H3C4: variants seen among roughly 807,000 people sequenced by gnomAD.
H3C4 encodes the protein histone H3.1.
A neutral mutation model predicts 8.7 loss-of-function variants in H3C4; 10 were observed. The ratio of observed to expected loss-of-function variants is 1.15; its 90% CI spans 0.71 to 1.96. The LOEUF (loss-of-function observed/expected upper bound fraction) is 1.96. Ranked by LOEUF, H3C4 falls within the 30% of genes most tolerant of loss-of-function variation. The pLI is 0.00. For missense variants in H3C4, 216 were observed against 192.9 expected, an observed-to-expected ratio of 1.12 and a Z score of -0.71; for synonymous variants, 141 against 80.1, an observed-to-expected ratio of 1.76 and a Z score of -4.06.
Position 26,196,837 on chromosome 6 carries a change from A to T in H3C4, c.*3T>A, listed in dbSNP as rs370814321. 3.7e-6 allele frequency: 6 copies of T among 1,614,154 alleles called. No individual in the cohort carries two copies. The highest frequency in any genetic ancestry group is 5.1e-6 in the Non-Finnish European group (6 of 1,180,012). ...TTTGGTTAGCACACATTCACAAGACAATTTACGCCCTCTCCCCACGAATGC... is the reference window on the plus strand; with the variant it reads ...TTTGGTTAGCACACATTCACAAGACTATTTACGCCCTCTCCCCACGAATGC... On this transcript the variant is annotated 3_prime_UTR_variant, in exon 1 of 1. Coordinates refer to ENST00000356476, the MANE Select transcript of H3C4 (RefSeq NM_001376937.1).
chr6:26,199,194 G>A (rs141689063), upstream of H3C4: 72 of 1,613,466 alleles, frequency 4.5e-5, no homozygotes, highest in Middle Eastern at 3.3e-4. Flanking sequence ...CGAAGAGCGG[G>A]TCTTAGCCTT....
upstream of H3C4, chr6:26,199,265 T>G (rs1344121430): frequency 2.5e-6 from 4 of 1,586,584 alleles, no homozygotes; most frequent in African/African-American, 5.5e-5. Flanking sequence ...AAAAACGATG[T>G]TAAGCAATGA....
upstream of H3C4, among the ~76,000 whole-genome samples, chr6:26,198,471 A>G (rs1468883216): frequency 2.0e-5 from 3 of 152,158 alleles, no homozygotes; most frequent in Non-Finnish European, 4.4e-5. Context: ...AGCTGAAATT[A>G]CAGGCGCGCG....
chr6:26,198,455 T>C (rs1027922961), upstream of H3C4, among the ~76,000 whole-genome samples: 1 of 152,162 alleles, frequency 6.6e-6, no homozygotes, highest in Non-Finnish European at 1.5e-5. Context: ...CCTCAACCTC[T>C]TAAATAGCTG....
At chr6:26,198,915 G>A (rs768963286), upstream of H3C4, 2 of 1,614,214 alleles carry the variant, frequency 1.2e-6, no homozygotes, top group East Asian at 2.2e-5. Flanking sequence ...CTGGATGTTG[G>A]GCAGAACACC....
At chr6:26,198,236 CCTTTT>C (rs2113858350), upstream of H3C4, among the ~76,000 whole-genome samples, 2 of 152,320 alleles carry the variant, frequency 1.3e-5, no homozygotes, top group East Asian at 3.9e-4. Context: ...ATGTCTCAGG[CCTTTT>C]AACAGCTTTG....
chr6:26,199,258 A>T, upstream of H3C4: 1 of 1,591,108 alleles, frequency 6.3e-7, no homozygotes, highest in Non-Finnish European at 8.5e-7. Context: ...AATTCTTAAA[A>T]ACGATGTTAA....
chr6:26,198,462 G>A (rs1401050445), upstream of H3C4, among the ~76,000 whole-genome samples: 1 of 152,116 alleles, frequency 6.6e-6, no homozygotes, highest in Non-Finnish European at 1.5e-5. Context: ...CTCTTAAATA[G>A]CTGAAATTAC....
Position 26,197,083 on chromosome 6 carries a change from C to T in H3C4, c.168G>A (p.Gln56=), listed in dbSNP as rs1263235235. ...TGCGAATCAGCAGCTCGGTCGACTTCTGGTAGCGGCGGATCTCGCGCAGAG... is the reference window on the plus strand; with the variant it reads ...TGCGAATCAGCAGCTCGGTCGACTTTTGGTAGCGGCGGATCTCGCGCAGAG... ...TVALREIRRY[Q]KSTELLIRKL... The change falls in exon 1 of 1, where the codon CAG becomes CAA. Residue 56 remains glutamine (Q), a synonymous_variant. Transcript: ENST00000356476. 4 of 1,614,224 alleles carry T rather than the reference C, an allele frequency of 2.5e-6. No homozygotes were observed. The highest frequency in any genetic ancestry group is 1.3e-5 in the African/African-American group (1 of 75,064).
chr6:26,197,256 A>C lies in H3C4; in HGVS notation c.-6T>G. 1.2e-6 allele frequency: 2 copies of C among 1,602,316 alleles called. No homozygotes were observed. Among genetic ancestry groups the C allele is most frequent in the South Asian group, 1.1e-5 (1 of 89,518 alleles). ...GTCTGCTTGGTACGAGCCATTGCGA[A>C]CTTCTAAACCCTGCTAAATGACGAA... On this transcript the variant is annotated 5_prime_UTR_variant, in exon 1 of 1. Coordinates refer to ENST00000356476, the MANE Select transcript of H3C4 (RefSeq NM_001376937.1).
chr6:26,199,106 G>A (rs753502349), upstream of H3C4: 12 of 1,614,060 alleles, frequency 7.4e-6, no homozygotes, highest in Admixed American at 5.0e-5. Flanking sequence ...CTGGCGCGCC[G>A]GCCCCGACTC....
chr6:26,199,078 A>C (rs755825653), upstream of H3C4: 40 of 1,613,952 alleles, frequency 2.5e-5, 1 homozygote, highest in East Asian at 8.7e-4. Context: ...AGGTACTCCA[A>C]CACCGCCGCC....
chr6:26,197,116 G>A lies in H3C4; in HGVS notation c.135C>T (p.Gly45=), dbSNP rs780581780. 14 of 1,614,214 alleles carry A rather than the reference G, an allele frequency of 8.7e-6. No homozygotes were observed. Among genetic ancestry groups the A allele is most frequent in the East Asian group, 2.2e-5 (1 of 44,880 alleles). Residue 45 remains glycine (G), a synonymous_variant, in exon 1 of 1, where the codon GGC becomes GGT. Coordinates refer to ENST00000356476, the MANE Select transcript of H3C4 (RefSeq NM_001376937.1). ...GGCGGATCTCGCGCAGAGCCACCGT[G>A]CCGGGCCGGTAACGGTGGGGCTTCT... The part of the protein sequence containing the change: ...GVKKPHRYRP[G]TVALREIRRY...
upstream of H3C4, chr6:26,199,280 A>C: frequency 6.3e-7 from 1 of 1,576,288 alleles, no homozygotes; most frequent in Non-Finnish European, 8.6e-7. Flanking sequence ...CAATGAAGAC[A>C]AAAATGTAAA....
upstream of H3C4, chr6:26,199,089 A>C (rs147678711): frequency 2.3e-4 from 368 of 1,614,020 alleles, no homozygotes; most frequent in Non-Finnish European, 2.5e-4. Flanking sequence ...CACCGCCGCC[A>C]GATACACTGG....
upstream of H3C4, chr6:26,198,755 A>C: frequency 8.0e-7 from 1 of 1,255,692 alleles, no homozygotes; most frequent in Non-Finnish European, 1.1e-6. Context: ...CTATTTACAC[A>C]GAAAATGTGA....
upstream of H3C4, chr6:26,199,112 G>T (rs776440489): frequency 6.2e-7 from 1 of 1,614,050 alleles, no homozygotes; most frequent in Non-Finnish European, 8.5e-7. Context: ...CGCCGGCCCC[G>T]ACTCGCTCGG....
upstream of H3C4, chr6:26,198,713 TG>T (rs1765045425): frequency 2.5e-6 from 2 of 802,098 alleles, no homozygotes; most frequent in Non-Finnish European, 3.9e-6. Context: ...CACTTATAAA[TG>T]GAAAAATTAT....
At chr6:26,197,407 A>G, upstream of H3C4, 1 of 669,006 alleles carries the variant, frequency 1.5e-6, no homozygotes, top group Non-Finnish European at 2.5e-6. Context: ...CATCTCCTGC[A>G]TGTAGACCAA....
Sources: gnomAD v4.1 joint callset for allele counts (sites outside exome capture counted in the v4.1 genomes callset) on GRCh38, gnomAD v4.1.1 for gene constraint, MANE v1.5 for transcripts, NCBI Gene and HGNC (gene_info 2026-07-23, HGNC 2026-07-21) for gene names.